Variants in PSPC1 observed in about 807,000 individuals in gnomAD.
The protein encoded by PSPC1 is paraspeckle protein 1.
In PSPC1, 14 loss-of-function variants were observed where a neutral mutation model predicts 51.6. That is an observed-to-expected ratio of 0.27 (90% CI 0.18 to 0.42). The LOEUF (loss-of-function observed/expected upper bound fraction) is 0.42, where lower values mean the gene tolerates loss of function less well. PSPC1 is among the 10% of genes least tolerant of loss of function. The pLI is 1.00. For missense variants in PSPC1, 406 were observed against 701.1 expected, an observed-to-expected ratio of 0.58 and a Z score of 4.75; for synonymous variants, 193 against 231.9, an observed-to-expected ratio of 0.83 and a Z score of 1.53.
At chr13:19,706,494 A>C (rs1207034509) in intron 7 of PSPC1, among the ~76,000 whole-genome samples, 2 of 152,140 alleles carry the variant, frequency 1.3e-5, no homozygotes, top group Non-Finnish European at 2.9e-5. Context: ...ATACAGATAA[A>C]ATATTAATAT....
chr13:19,723,277 G>GT (rs548872465), intron 6 of PSPC1, among the ~76,000 whole-genome samples: 244 of 150,760 alleles, frequency 1.6e-3, no homozygotes, highest in Non-Finnish European at 3.1e-3. Context: ...CTAACAGAAG[G>GT]TAAGATCAAA....
intron 2 of PSPC1, among the ~76,000 whole-genome samples, chr13:19,765,383 A>G (rs1006198004): frequency 6.7e-6 from 1 of 148,494 alleles, no homozygotes; most frequent in African/African-American, 2.5e-5. Flanking sequence ...TGACGATATT[A>G]ATAAAATATT....
At chr13:19,697,998 T>G (rs1011252178), downstream of PSPC1, among the ~76,000 whole-genome samples, 19 of 152,058 alleles carry the variant, frequency 1.2e-4, no homozygotes, top group African/African-American at 4.3e-4. Flanking sequence ...CATGGCAAAG[T>G]GAACAGGCAC....
intron 1 of PSPC1, among the ~76,000 whole-genome samples, chr13:19,778,097 C>T (rs1356945271): frequency 2.0e-5 from 3 of 151,640 alleles, no homozygotes; most frequent in African/African-American, 7.3e-5. Flanking sequence ...CAAAAATTAG[C>T]TGGGCGTGGT....
chr13:19,706,056 TCAATC>T (rs1880615474), intron 7 of PSPC1, among the ~76,000 whole-genome samples: 1 of 152,232 alleles, frequency 6.6e-6, no homozygotes, highest in South Asian at 2.1e-4. Flanking sequence ...GAGGAAACTA[TCAATC>T]ATTTTAGGGC....
At chr13:19,760,503 GGGC>G (rs1483001815) in intron 2 of PSPC1, among the ~76,000 whole-genome samples, 3 of 150,626 alleles carry the variant, frequency 2.0e-5, no homozygotes, top group African/African-American at 7.3e-5. Flanking sequence ...ACTCCAGCCT[GGGC>G]GACAGAGTGA....
At chr13:19,671,739 T>C, downstream of PSPC1, 1 of 1,125,882 alleles carries the variant, frequency 8.9e-7, no homozygotes, top group South Asian at 1.3e-5. Context: ...TATTGCCAAA[T>C]AATAGAAGCA....
intron 6 of PSPC1, among the ~76,000 whole-genome samples, chr13:19,719,103 G>T (rs3929804): frequency 0.91 from 134,154 of 146,646 alleles, 62,589 homozygotes; most frequent in Non-Finnish European, 1. Context: ...AAAGGTAAAC[G>T]ATAGACTTTG....
At chr13:19,686,405 C>T (rs1877883292) in intron 6 of PSPC1, among the ~76,000 whole-genome samples, 1 of 151,636 alleles carries the variant, frequency 6.6e-6, no homozygotes. Context: ...AGCAGGGGGT[C>T]AATTAGGAAA....
At chr13:19,720,976 CTTACAAACCAG>C (rs930782061) in intron 6 of PSPC1, among the ~76,000 whole-genome samples, 3 of 152,096 alleles carry the variant, frequency 2.0e-5, no homozygotes, top group African/African-American at 7.2e-5. Context: ...TCATCAGATG[CTTACAAACCAG>C]AGTTCCTACA....
intron 8 of PSPC1, among the ~76,000 whole-genome samples, chr13:19,705,327 T>A (rs1249415114): frequency 6.6e-6 from 1 of 152,188 alleles, no homozygotes; most frequent in Admixed American, 6.5e-5. Context: ...ACCCTGTCTC[T>A]ACTAAAAATA....
intron 6 of PSPC1, among the ~76,000 whole-genome samples, chr13:19,712,537 G>C (rs1881575597): frequency 6.6e-6 from 1 of 152,078 alleles, no homozygotes; most frequent in East Asian, 1.9e-4. Flanking sequence ...CACGGGAAAT[G>C]TATCAATGTA....
intron 6 of PSPC1, among the ~76,000 whole-genome samples, chr13:19,692,633 A>T (rs1264038741): frequency 6.6e-6 from 1 of 152,078 alleles, no homozygotes; most frequent in Non-Finnish European, 1.5e-5. Context: ...CAAATGGATT[A>T]TGCCCTCCTC....
intron 6 of PSPC1, among the ~76,000 whole-genome samples, chr13:19,682,486 C>CAAA (rs138769031): frequency 4.0e-4 from 39 of 98,606 alleles, no homozygotes; most frequent in African/African-American, 1.4e-3. Context: ...GGCTGAATGG[C>CAAA]AAAAAAAAAA....
At chr13:19,756,370 C>T (rs907728209) in intron 3 of PSPC1, among the ~76,000 whole-genome samples, 17 of 152,118 alleles carry the variant, frequency 1.1e-4, no homozygotes, top group South Asian at 2.1e-4. Context: ...TTGTTCAAGA[C>T]GCCAAGAACT....
Position 19,742,070 on chromosome 13 carries a change from T to C in PSPC1, c.968-421A>G, listed in dbSNP as rs1885487249. 2.0e-5 allele frequency among the ~76,000 whole-genome samples: 3 copies of C among 151,836 alleles called. No homozygotes were observed. In the South Asian group the frequency reaches 6.2e-4, roughly 32 times the overall value. The stretch of plus-strand genomic sequence containing the variant: ...TCACTTGAACCCGGGAGGTGGAGGA[T>C]GCAATGAGTTGAGATTGTGCCACTG... On this transcript the variant is annotated intron_variant, in intron 4 of 8. Coordinates refer to ENST00000338910, the MANE Select transcript of PSPC1 (RefSeq NM_001354909.2).
At chr13:19,730,968 A>AAAAC (rs1566002451) in intron 5 of PSPC1, among the ~76,000 whole-genome samples, 1 of 141,892 alleles carries the variant, frequency 7.0e-6, no homozygotes. Flanking sequence ...AAAAAAACAA[A>AAAAC]AAAAAAAAAA....
intron 6 of PSPC1, among the ~76,000 whole-genome samples, chr13:19,688,031 G>T (rs1878125528): frequency 6.6e-6 from 1 of 152,004 alleles, no homozygotes; most frequent in African/African-American, 2.4e-5. Context: ...TAGCTCATTT[G>T]AAGTTGATAC....
intron 6 of PSPC1, among the ~76,000 whole-genome samples, chr13:19,690,823 G>A (rs1471657490): frequency 6.6e-6 from 1 of 152,016 alleles, no homozygotes; most frequent in Non-Finnish European, 1.5e-5. Flanking sequence ...TTTAGACAGG[G>A]TACATATTCT....
Sources: gnomAD v4.1 joint callset for allele counts (sites outside exome capture counted in the v4.1 genomes callset) on GRCh38, gnomAD v4.1.1 for gene constraint, MANE v1.5 for transcripts, NCBI Gene and HGNC (gene_info 2026-07-23, HGNC 2026-07-21) for gene names.